The following UBASH3B variants were observed in gnomAD, a reference collection of about 807,000 sequenced individuals.
UBASH3B encodes the protein ubiquitin-associated and SH3 domain-containing protein B.
Under a neutral mutation model 83.4 loss-of-function variants are expected in UBASH3B, and 37 were observed. The ratio of observed to expected loss-of-function variants is 0.44; its 90% CI spans 0.34 to 0.58. UBASH3B has a LOEUF of 0.58. Ranked by LOEUF, UBASH3B falls within the 20% of genes least tolerant of loss-of-function variation. The pLI, the probability that UBASH3B is intolerant of heterozygous loss-of-function variation, is 0.01. For synonymous variants in UBASH3B, 304 were observed against 318.3 expected, an observed-to-expected ratio of 0.96 and a Z score of 0.48; for missense variants, 657 against 827.2, an observed-to-expected ratio of 0.79 and a Z score of 2.52.
At chr11:122,708,887 TG>T (rs1333584926) in intron 1 of UBASH3B, among the ~76,000 whole-genome samples, 1 of 152,216 alleles carries the variant, frequency 6.6e-6, no homozygotes, top group Non-Finnish European at 1.5e-5. Context: ...ATCTAGCCAG[TG>T]TTCAGTACAT....
chr11:122,736,158 A>C (rs967852986), intron 1 of UBASH3B, among the ~76,000 whole-genome samples: 2 of 151,994 alleles, frequency 1.3e-5, no homozygotes, highest in African/African-American at 2.4e-5. Context: ...AAGATAGAGA[A>C]GTCAAGAATG....
chr11:122,770,460 GT>G (rs10713524), intron 1 of UBASH3B, among the ~76,000 whole-genome samples: 103,800 of 142,262 alleles, frequency 0.73, 37,770 homozygotes, highest in African/African-American at 0.77. Context: ...TGTCTTAAGT[GT>G]TTTTTTTTTT....
intron 1 of UBASH3B, among the ~76,000 whole-genome samples, chr11:122,702,316 A>C (rs1864050441): frequency 6.6e-6 from 1 of 152,166 alleles, no homozygotes; most frequent in Non-Finnish European, 1.5e-5. Flanking sequence ...AAGAGTCTAA[A>C]ATAAAGATCT....
chr11:122,771,131 A>T (rs2097156302), intron 1 of UBASH3B, among the ~76,000 whole-genome samples: 1 of 152,058 alleles, frequency 6.6e-6, no homozygotes, highest in South Asian at 2.1e-4. Flanking sequence ...TTTCCTGCAC[A>T]TGCAGTGCTG....
intron 1 of UBASH3B, among the ~76,000 whole-genome samples, chr11:122,689,821 G>A (rs1199962154): frequency 3.3e-5 from 5 of 152,172 alleles, no homozygotes; most frequent in Admixed American, 2.6e-4. Flanking sequence ...ACAGAACTCA[G>A]GGAAACACTT....
At chr11:122,748,477 C>G (rs1359044891) in intron 1 of UBASH3B, among the ~76,000 whole-genome samples, 1 of 152,216 alleles carries the variant, frequency 6.6e-6, no homozygotes, top group Non-Finnish European at 1.5e-5. Flanking sequence ...TCCTTACTTG[C>G]TTTTCCCTCA....
Position 122,794,754 on chromosome 11 carries a change from G to A in UBASH3B, c.1033G>A (p.Gly345Arg). The change falls in exon 7 of 14, where the codon GGA (glycine) becomes AGA (arginine). Residue 345 changes from glycine to arginine, a missense_variant. By Grantham distance (125) the Gly-to-Arg change is moderately radical. Coordinates refer to ENST00000284273, the MANE Select transcript of UBASH3B (RefSeq NM_032873.5). ...ATCCAACTCTCTCACGTTTGGGGATGGAGTATTGGAGAGGCGGCCTTATGA... is the reference window on the plus strand; with the variant it reads ...ATCCAACTCTCTCACGTTTGGGGATAGAGTATTGGAGAGGCGGCCTTATGA... ...SSSNSLTFGDGVLERRPYEDQ... is the reference protein window; with the variant it reads ...SSSNSLTFGDRVLERRPYEDQ... 1 of 1,614,160 alleles carries A rather than the reference G, an allele frequency of 6.2e-7. No individual in the cohort carries two copies. Among genetic ancestry groups the A allele is most frequent in the Non-Finnish European group, 8.5e-7 (1 of 1,180,024 alleles).
At chr11:122,771,557 A>T (rs1264331009) in intron 1 of UBASH3B, among the ~76,000 whole-genome samples, 1 of 152,122 alleles carries the variant, frequency 6.6e-6, no homozygotes, top group African/African-American at 2.4e-5. Flanking sequence ...TTAGCTTTTA[A>T]GGTCCAGATC....
At chr11:122,724,613 A>T (rs1860699712) in intron 1 of UBASH3B, among the ~76,000 whole-genome samples, 1 of 121,520 alleles carries the variant, frequency 8.2e-6, no homozygotes, top group South Asian at 2.5e-4. Flanking sequence ...CCAGGCCTGA[A>T]CTGGCTTCTT....
chr11:122,708,165 A>C (rs1266158670), intron 1 of UBASH3B, among the ~76,000 whole-genome samples: 2 of 152,216 alleles, frequency 1.3e-5, no homozygotes, highest in Non-Finnish European at 2.9e-5. Flanking sequence ...GAAAGGAATT[A>C]AGAGCAGGTT....
intron 1 of UBASH3B, among the ~76,000 whole-genome samples, chr11:122,753,658 G>T (rs181801311): frequency 1.5e-3 from 230 of 151,608 alleles, no homozygotes; most frequent in Non-Finnish European, 2.1e-3. Context: ...CACCACACCG[G>T]CTAATTTTGT....
intron 3 of UBASH3B, among the ~76,000 whole-genome samples, chr11:122,778,677 T>C (rs941640264): frequency 6.6e-6 from 1 of 151,588 alleles, no homozygotes; most frequent in Non-Finnish European, 1.5e-5. Flanking sequence ...TGATCTTGGC[T>C]CACTGCAACC....
intron 1 of UBASH3B, among the ~76,000 whole-genome samples, chr11:122,768,470 ATGTGTGTGTGTGTGTG>A (rs568912747): frequency 7.1e-6 from 1 of 140,076 alleles, no homozygotes; most frequent in Non-Finnish European, 1.5e-5. Flanking sequence ...ATATATATGT[ATGTGTGTGTGTGTGTG>A]TGTGTGTGTG....
chr11:122,681,089 G>A (rs907448898), intron 1 of UBASH3B, among the ~76,000 whole-genome samples: 2 of 152,066 alleles, frequency 1.3e-5, no homozygotes, highest in Non-Finnish European at 2.9e-5. Flanking sequence ...ATGAAGTTTC[G>A]CTAGAAATTA....
chr11:122,703,663 C>T (rs1052464173), intron 1 of UBASH3B, among the ~76,000 whole-genome samples: 1 of 152,180 alleles, frequency 6.6e-6, no homozygotes, highest in African/African-American at 2.4e-5. Context: ...GAGGGTTAAA[C>T]ATAAAGTTCT....
intron 1 of UBASH3B, among the ~76,000 whole-genome samples, chr11:122,719,723 C>A (rs75116395): frequency 6.6e-6 from 1 of 152,054 alleles, no homozygotes. Flanking sequence ...TTTCCACTTC[C>A]TATCCTCCTC....
chr11:122,720,560 A>G (rs1010293989), intron 1 of UBASH3B, among the ~76,000 whole-genome samples: 1 of 152,210 alleles, frequency 6.6e-6, no homozygotes, highest in African/African-American at 2.4e-5. Flanking sequence ...TCCTGTCTCT[A>G]GGGTGTTCCC....
Position 122,801,208 on chromosome 11 carries a change from T to C in UBASH3B, c.1471T>C (p.Leu491=), listed in dbSNP as rs2135182765. 6.2e-7 allele frequency: 1 copy of C among 1,614,194 alleles called. No homozygotes were observed. The highest frequency in any genetic ancestry group is 1.3e-5 in the African/African-American group (1 of 75,068). ...CTAAGGTTTACAACAAGAAAATCAC[T>C]TGAAGATCCGTGTAGAGCCCGGCTT... is the stretch of plus-strand genomic sequence containing the variant. ...ILKGLQQENH[L]KIRVEPGLFE... The change falls in exon 11 of 14, where the codon TTG becomes CTG. Residue 491 remains leucine, a synonymous_variant. Coordinates refer to ENST00000284273, the MANE Select transcript of UBASH3B (RefSeq NM_032873.5).
intron 1 of UBASH3B, 50 bp downstream of exon 1, chr11:122,656,260 C>G: frequency 6.8e-6 from 9 of 1,332,590 alleles, no homozygotes; most frequent in Non-Finnish European, 8.7e-6. Context: ...CGCGCGCGGC[C>G]GGCCCTCGGC....
Sources: gnomAD v4.1 joint callset for allele counts (sites outside exome capture counted in the v4.1 genomes callset) on GRCh38, gnomAD v4.1.1 for gene constraint, MANE v1.5 for transcripts, NCBI Gene and HGNC (gene_info 2026-07-23, HGNC 2026-07-21) for gene names.